MAP3K5: variants seen among roughly 807,000 people sequenced by gnomAD.
MAP3K5 encodes mitogen-activated protein kinase kinase kinase 5.
Under a neutral mutation model 158.7 loss-of-function variants are expected in MAP3K5, and 56 were observed. That is an observed-to-expected ratio of 0.35 (90% CI 0.28 to 0.44). The LOEUF is 0.44. MAP3K5 is among the 20% of genes least tolerant of loss of function. The probability of loss-of-function intolerance (pLI) is 1.00; values close to 1 mark genes in which losing one functional copy is unlikely to be tolerated. For synonymous variants in MAP3K5, 579 were observed against 601.7 expected, an observed-to-expected ratio of 0.96 and a Z score of 0.55; for missense variants, 1,294 against 1,674.8, an observed-to-expected ratio of 0.77 and a Z score of 3.97.
At chr6:136,727,904 G>A (rs1434711890) in intron 1 of MAP3K5, among the ~76,000 whole-genome samples, 1 of 151,748 alleles carries the variant, frequency 6.6e-6, no homozygotes, top group African/African-American at 2.4e-5. Flanking sequence ...GCAGCTTGCA[G>A]TGAGCAGAGA....
Position 136,759,761 on chromosome 6 carries a change from A to ATT in MAP3K5, c.448+31947_448+31948dup, listed in dbSNP as rs11317822. On this transcript the variant is annotated intron_variant, in intron 1 of 29. Transcript: ENST00000359015. ...TGTGAGCTACCGCACCCAGCCCTCTATTTTTTTTTTTTTTTTTTTTTGGAG... is the reference window on the plus strand; with the variant it reads ...TGTGAGCTACCGCACCCAGCCCTCTATTTTTTTTTTTTTTTTTTTTTTTGGAG... Among the ~76,000 whole-genome samples the ATT allele has an allele frequency of 5.0e-5, 5 of 99,894 alleles. No individual in the cohort carries two copies. The East Asian group carries it at 1.1e-3, about 21-fold the overall frequency. 65.5% of individuals were successfully genotyped at this position (99,894 alleles called of 152,430 possible). A position where few individuals can be genotyped will look rare whatever the true frequency, so the allele number is the denominator to read the frequency against.
intron 1 of MAP3K5, among the ~76,000 whole-genome samples, chr6:136,763,846 C>T (rs1392059026): frequency 1.3e-5 from 2 of 152,030 alleles, no homozygotes; most frequent in Non-Finnish European, 2.9e-5. Flanking sequence ...AACAGGTTAT[C>T]GCAGGAGTGG....
At chr6:136,624,220 G>A (rs1329935529) in intron 14 of MAP3K5, among the ~76,000 whole-genome samples, 1 of 152,096 alleles carries the variant, frequency 6.6e-6, no homozygotes, top group East Asian at 1.9e-4. Flanking sequence ...TTTATAACAT[G>A]TATAAGTCAA....
At chr6:136,664,459 T>C (rs939119035) in intron 8 of MAP3K5, among the ~76,000 whole-genome samples, 2 of 152,140 alleles carry the variant, frequency 1.3e-5, no homozygotes, top group Non-Finnish European at 2.9e-5. Context: ...CCCTGGTCCA[T>C]GGAAAAATTG....
chr6:136,635,694 C>A (rs1309739898), intron 14 of MAP3K5, among the ~76,000 whole-genome samples: 1 of 136,396 alleles, frequency 7.3e-6, no homozygotes, highest in East Asian at 2.2e-4. Flanking sequence ...TCAAGACCAA[C>A]CTGGGCAACA....
chr6:136,614,081 C>T, intron 16 of MAP3K5, 78 bp downstream of exon 16: 2 of 1,500,866 alleles, frequency 1.3e-6, no homozygotes, highest in Non-Finnish European at 9.0e-7. Context: ...GACCTGTACG[C>T]TAGTAAATCC....
chr6:136,598,218 T>C (rs1260520782), intron 21 of MAP3K5, among the ~76,000 whole-genome samples: 1 of 152,222 alleles, frequency 6.6e-6, no homozygotes, highest in East Asian at 1.9e-4. Flanking sequence ...CATCCTGGCA[T>C]TAACTCATGC....
intron 7 of MAP3K5, among the ~76,000 whole-genome samples, chr6:136,673,255 G>C (rs1343474407): frequency 1.3e-5 from 2 of 152,140 alleles, no homozygotes; most frequent in Non-Finnish European, 2.9e-5. Context: ...GAAGTAATCA[G>C]CTTCTTACCC....
chr6:136,614,324 G>A, intron 15 of MAP3K5, 38 bp from the exon 16 acceptor site: 1 of 1,600,920 alleles, frequency 6.2e-7, no homozygotes, highest in Non-Finnish European at 8.5e-7. Context: ...TAATTATGTA[G>A]CCAGACTTTA....
chr6:136,560,207 G>T (rs577868631), intron 28 of MAP3K5, among the ~76,000 whole-genome samples: 1 of 152,126 alleles, frequency 6.6e-6, no homozygotes, highest in Admixed American at 6.5e-5. Context: ...GGGGCTGGGC[G>T]CAGTGGCTCA....
intron 11 of MAP3K5, among the ~76,000 whole-genome samples, chr6:136,647,511 A>G (rs1778319555): frequency 6.6e-6 from 1 of 152,168 alleles, no homozygotes; most frequent in Non-Finnish European, 1.5e-5. Flanking sequence ...AGATTTTCAG[A>G]AACGTCAGTG....
chr6:136,721,131 G>A (rs748288329), intron 1 of MAP3K5, among the ~76,000 whole-genome samples: 16 of 151,696 alleles, frequency 1.1e-4, no homozygotes, highest in Admixed American at 3.9e-4. Flanking sequence ...ACTGGAAACC[G>A]AGGAGAATTT....
At chr6:136,560,293 A>G (rs1830450010) in intron 28 of MAP3K5, among the ~76,000 whole-genome samples, 1 of 152,116 alleles carries the variant, frequency 6.6e-6, no homozygotes, top group African/African-American at 2.4e-5. Flanking sequence ...CACCCTGGCC[A>G]ATATGGTGAA....
At position 136,557,428 on chromosome 6, in the gene MAP3K5, T is replaced by C. The variant is rs1197513951; in HGVS notation, c.*330A>G. 1 of 230,116 alleles carries C rather than the reference T, an allele frequency of 4.3e-6. No individual in the cohort carries two copies. Among genetic ancestry groups the C allele is most frequent in the Non-Finnish European group, 8.6e-6 (1 of 116,930 alleles). The allele number at this position is 230,116 out of a possible 1,614,324, so 14.3% of individuals were successfully genotyped here. A position where few individuals can be genotyped will look rare whatever the true frequency, so the allele number is the denominator to read the frequency against. On this transcript the variant is annotated 3_prime_UTR_variant, in exon 30 of 30. Transcript: ENST00000359015. ...CATGAAATGTTACATCCGTTTTGTGTGAAATAAACATTTGGCTGAAGTGCA... is the reference window on the plus strand; with the variant it reads ...CATGAAATGTTACATCCGTTTTGTGCGAAATAAACATTTGGCTGAAGTGCA...
At chr6:136,650,047 A>C (rs1248693624) in intron 11 of MAP3K5, among the ~76,000 whole-genome samples, 8 of 152,138 alleles carry the variant, frequency 5.3e-5, no homozygotes. Flanking sequence ...CTATACATTT[A>C]TTTATTGCTT....
At chr6:136,617,427 T>C (rs995168037) in intron 15 of MAP3K5, among the ~76,000 whole-genome samples, 4 of 152,188 alleles carry the variant, frequency 2.6e-5, no homozygotes, top group East Asian at 1.9e-4. Context: ...TATTAATCCA[T>C]AGGTATCGCC....
chr6:136,559,034 C>T (rs1225432382), intron 28 of MAP3K5, among the ~76,000 whole-genome samples, 158 bp from the exon 29 acceptor site: 2 of 152,134 alleles, frequency 1.3e-5, no homozygotes, highest in Admixed American at 1.3e-4. Flanking sequence ...GGAAAGGCCT[C>T]CCTGTTACTC....
chr6:136,593,623 A>T (rs1775491302), intron 21 of MAP3K5: 3 of 367,824 alleles, frequency 8.2e-6, no homozygotes, highest in South Asian at 6.3e-5. Context: ...CCAAATGTAT[A>T]TAAAACTTCT....
In MAP3K5 at chr6:136,771,633, A is replaced by G. The variant is rs142507022; in HGVS notation, c.448+20077T>C. ...TGCCCTGAGCTACTACTCTCTGCCT[A>G]CTGGGTAGGCGTGCTCTGAAGAAGC... On this transcript the variant is annotated intron_variant, in intron 1 of 29. Coordinates refer to ENST00000359015, the MANE Select transcript of MAP3K5 (RefSeq NM_005923.4). Among the ~76,000 whole-genome samples, 1,278 of 152,300 alleles carry G rather than the reference A, an allele frequency of 8.4e-3. 20 individuals are homozygous for G. Among genetic ancestry groups the G allele is most frequent in the African/African-American group, 0.028 (1,162 of 41,560 alleles).
Sources: gnomAD v4.1 joint callset for allele counts (sites outside exome capture counted in the v4.1 genomes callset) on GRCh38, gnomAD v4.1.1 for gene constraint, MANE v1.5 for transcripts, NCBI Gene and HGNC (gene_info 2026-07-23, HGNC 2026-07-21) for gene names.